The following ATRNL1 variants were observed in gnomAD, a reference collection of about 807,000 sequenced individuals.
The protein encoded by ATRNL1 is attractin-like protein 1.
A neutral mutation model predicts 182.7 loss-of-function variants in ATRNL1; 95 were observed. The ratio of observed to expected loss-of-function variants is 0.52; its 90% CI spans 0.44 to 0.62. The LOEUF is 0.62. Ranked by LOEUF, ATRNL1 falls within the 20% of genes least tolerant of loss-of-function variation. The pLI, the probability that ATRNL1 is intolerant of heterozygous loss-of-function variation, is 0.00. For missense variants in ATRNL1, 1,471 were observed against 1,679.5 expected (o/e 0.88, Z 2.17); for synonymous variants, 576 against 568.3 (o/e 1.01, Z -0.19).
chr10:115,157,937 C>G lies in ATRNL1; in HGVS notation c.830-2103C>G, dbSNP rs528629402. On this transcript the variant is annotated intron_variant, in intron 5 of 28. Transcript: ENST00000355044. ...TTTTTTTCATGCCAGTGTTCTCTATCAAACTCTTTTCCAAGTAATACCCAC... is the reference window on the plus strand; with the variant it reads ...TTTTTTTCATGCCAGTGTTCTCTATGAAACTCTTTTCCAAGTAATACCCAC... Among the ~76,000 whole-genome samples, 11 of 152,088 alleles carry G rather than the reference C, an allele frequency of 7.2e-5. No individual in the cohort carries two copies. In the South Asian group the frequency reaches 2.3e-3, roughly 32 times the overall value.
At chr10:115,155,043 A>G (rs1444459131) in intron 5 of ATRNL1, among the ~76,000 whole-genome samples, 1 of 152,158 alleles carries the variant, frequency 6.6e-6, no homozygotes, top group Non-Finnish European at 1.5e-5. Flanking sequence ...TGATCCCTCT[A>G]TCATTATAAA....
chr10:115,799,180 CTT>C (rs1311556046), intron 27 of ATRNL1, among the ~76,000 whole-genome samples: 3 of 152,072 alleles, frequency 2.0e-5, no homozygotes, highest in Non-Finnish European at 4.4e-5. Context: ...ATACCTGTCT[CTT>C]TGCTTTGCAC....
intron 6 of ATRNL1, among the ~76,000 whole-genome samples, chr10:115,164,226 T>C (rs1554883880): frequency 6.6e-6 from 1 of 152,232 alleles, no homozygotes; most frequent in East Asian, 1.9e-4. Context: ...TTTCTTTTCA[T>C]GTTACATAAT....
intron 26 of ATRNL1, among the ~76,000 whole-genome samples, chr10:115,713,212 G>C (rs543221079): frequency 6.6e-6 from 1 of 152,096 alleles, no homozygotes; most frequent in Non-Finnish European, 1.5e-5. Flanking sequence ...CTAAACGATT[G>C]TAAGTTTCAT....
At chr10:115,293,992 G>A (rs1276002243) in intron 15 of ATRNL1, among the ~76,000 whole-genome samples, 7 of 152,194 alleles carry the variant, frequency 4.6e-5, no homozygotes, top group African/African-American at 1.7e-4. Flanking sequence ...CGACCTGCAT[G>A]TCCATTTCTT....
intron 28 of ATRNL1, among the ~76,000 whole-genome samples, chr10:115,930,255 T>G (rs556416207): frequency 1.4e-4 from 22 of 152,282 alleles, no homozygotes; most frequent in African/African-American, 5.3e-4. Flanking sequence ...AGAGATTTAT[T>G]TGGTTTTTTT....
At chr10:115,313,213 A>G (rs1554928505) in intron 17 of ATRNL1, among the ~76,000 whole-genome samples, 2 of 151,862 alleles carry the variant, frequency 1.3e-5, no homozygotes, top group African/African-American at 2.4e-5. Flanking sequence ...CTATTTTTTC[A>G]TATTGCCAGA....
chr10:115,302,359 G>A (rs1280903679), intron 17 of ATRNL1, among the ~76,000 whole-genome samples: 2 of 152,072 alleles, frequency 1.3e-5, no homozygotes, highest in Non-Finnish European at 2.9e-5. Context: ...GATTGCTTTG[G>A]TGAGCCTTTT....
intron 27 of ATRNL1, among the ~76,000 whole-genome samples, chr10:115,802,612 C>A: frequency 6.6e-6 from 1 of 152,184 alleles, no homozygotes; most frequent in East Asian, 1.9e-4. Flanking sequence ...AAATCTCATT[C>A]TCCAGAAGTA....
intron 10 of ATRNL1, among the ~76,000 whole-genome samples, chr10:115,250,180 C>T (rs192106518): frequency 6.6e-6 from 1 of 152,094 alleles, no homozygotes; most frequent in African/African-American, 2.4e-5. Flanking sequence ...ATCATGGGTA[C>T]CACTTCCATT....
intron 28 of ATRNL1, among the ~76,000 whole-genome samples, chr10:115,874,151 T>C (rs1376344498): frequency 2.0e-5 from 3 of 152,192 alleles, no homozygotes; most frequent in African/African-American, 7.2e-5. Flanking sequence ...GGAGAAGATC[T>C]GTTGCCTTTT....
intron 28 of ATRNL1, among the ~76,000 whole-genome samples, chr10:115,921,248 A>T (rs1248720424): frequency 2.6e-5 from 4 of 152,192 alleles, no homozygotes; most frequent in African/African-American, 9.6e-5. Flanking sequence ...AAAGAGACAG[A>T]GGAAGAATAA....
At chr10:115,098,462 T>C (rs1336063777) in intron 1 of ATRNL1, among the ~76,000 whole-genome samples, 1 of 77,766 alleles carries the variant, frequency 1.3e-5, no homozygotes, top group Non-Finnish European at 3.4e-5. Context: ...TCTTTTTTTT[T>C]TTTTTTTTTT....
intron 26 of ATRNL1, among the ~76,000 whole-genome samples, chr10:115,595,123 A>G (rs562676775): frequency 1.4e-4 from 21 of 152,238 alleles, no homozygotes; most frequent in Non-Finnish European, 2.8e-4. Flanking sequence ...TCTCCTCCCA[A>G]TCACAGGCCT....
chr10:115,169,131 A>G (rs1239983927), intron 7 of ATRNL1, among the ~76,000 whole-genome samples: 1 of 148,568 alleles, frequency 6.7e-6, no homozygotes, highest in African/African-American at 2.5e-5. Context: ...TCAATTGGCC[A>G]TAGATGTGTG....
chr10:115,175,923 C>T lies in ATRNL1; in HGVS notation c.1348+4631C>T, dbSNP rs369936394. 1.4e-4 allele frequency among the ~76,000 whole-genome samples: 22 copies of T among 152,258 alleles called. No homozygotes were observed. In the East Asian group the frequency reaches 1.5e-3, roughly 11 times the overall value. On this transcript the variant is annotated intron_variant, in intron 8 of 28. Transcript: ENST00000355044. ...GTGGTTGAACTAGTTCACATTCCCA[C>T]CAACAGTGTAAAAGTGTTCCTGTTT...
chr10:115,735,597 A>G (rs993349227), intron 27 of ATRNL1, among the ~76,000 whole-genome samples: 1 of 152,184 alleles, frequency 6.6e-6, no homozygotes, highest in Non-Finnish European at 1.5e-5. Context: ...TGCCAGCATC[A>G]CTACTCTTGC....
intron 21 of ATRNL1, among the ~76,000 whole-genome samples, chr10:115,436,723 G>A (rs562011185): frequency 6.6e-6 from 1 of 151,998 alleles, no homozygotes; most frequent in Non-Finnish European, 1.5e-5. Flanking sequence ...TGGAGGATTC[G>A]ACTGTTAGAG....
chr10:115,607,659 C>A (rs367759272), intron 26 of ATRNL1, among the ~76,000 whole-genome samples: 2 of 151,766 alleles, frequency 1.3e-5, no homozygotes, highest in South Asian at 2.1e-4. Flanking sequence ...ATTCCAGTAT[C>A]TTTTCTTTAG....
Sources: gnomAD v4.1 joint callset for allele counts (sites outside exome capture counted in the v4.1 genomes callset) on GRCh38, gnomAD v4.1.1 for gene constraint, MANE v1.5 for transcripts, NCBI Gene and HGNC (gene_info 2026-07-23, HGNC 2026-07-21) for gene names.